Variants in RAX observed in about 807,000 individuals in gnomAD.
RAX encodes retina and anterior neural fold homeobox, also known as retinal homeobox protein Rx.
RAX carries 11 observed loss-of-function variants against 17.4 expected under a neutral mutation model. That is an observed-to-expected ratio of 0.63 (90% CI 0.40 to 1.05). The LOEUF is 1.05. Ranked by LOEUF, RAX falls within the 50% of genes least tolerant of loss-of-function variation. RAX has a pLI of 0.00. For missense variants in RAX, 527 were observed against 501.1 expected, an observed-to-expected ratio of 1.05 and a Z score of -0.49; for synonymous variants, 276 against 254.7, an observed-to-expected ratio of 1.08 and a Z score of -0.80.
chr18:59,273,340 G>A lies in RAX; in HGVS notation c.-134C>T, dbSNP rs936814750. The A allele has an allele frequency of 4.1e-6, 4 of 972,756 alleles. No homozygotes were observed. The highest frequency in any genetic ancestry group is 6.0e-5 in the East Asian group (2 of 33,532). 60.3% of individuals were successfully genotyped at this position (972,756 alleles called of 1,614,324 possible). A position where few individuals can be genotyped will look rare whatever the true frequency, so the allele number is the denominator to read the frequency against. On this transcript the variant is annotated 5_prime_UTR_variant, in exon 1 of 3. Transcript: ENST00000334889. ...AGCTCCGCGGGCGAAGCCCGCCCGG[G>A]CTGCGCACGCTGGGGGTGGCCGAGC...
Position 59,268,975 on chromosome 18 carries a change from G to A in RAX, c.*29C>T, listed in dbSNP as rs373801363. The A allele has an allele frequency of 3.0e-5, 48 of 1,612,738 alleles. No homozygotes were observed. The highest frequency in any genetic ancestry group is 1.4e-5 in the Non-Finnish European group (16 of 1,179,856). ...GCGGGTACGGTGCGGTCGGCCCGGGGTCGGATCCCAAGACGTTCCCCAGTG... is the reference window on the plus strand; with the variant it reads ...GCGGGTACGGTGCGGTCGGCCCGGGATCGGATCCCAAGACGTTCCCCAGTG... On this transcript the variant is annotated 3_prime_UTR_variant, in exon 3 of 3. Transcript: ENST00000334889. This position sits in a 1 kb window ranked among gnomAD's most constrained non-coding sequence, Gnocchi z 4.4.
chr18:59,273,406 C>A lies in RAX; in HGVS notation c.-200G>T, dbSNP rs1459773047. ...GCCTTAGTCCCAGAAGTCGGAAGTT[C>A]GGGCTCGGGGTAGCTGGGGCTCTCG... On this transcript the variant is annotated 5_prime_UTR_variant, in exon 1 of 3. Coordinates refer to ENST00000334889, the MANE Select transcript of RAX (RefSeq NM_013435.3). 8 of 598,794 alleles carry A rather than the reference C, an allele frequency of 1.3e-5. No homozygotes were observed. Among genetic ancestry groups the A allele is most frequent in the South Asian group, 9.5e-5 (4 of 41,924 alleles). The allele number at this position is 598,794 out of a possible 1,614,324, so 37.1% of individuals were successfully genotyped here.
chr18:59,272,695 C>A, intron 1 of RAX, 81 bp from the exon 2 acceptor site: 2 of 1,488,110 alleles, frequency 1.3e-6, no homozygotes, highest in Non-Finnish European at 1.8e-6. Flanking sequence ...TGGGCACTGG[C>A]CAGCCCGCCT....
intron 2 of RAX, among the ~76,000 whole-genome samples, chr18:59,269,752 T>TG (rs2070321420): frequency 6.7e-6 from 1 of 149,884 alleles, no homozygotes; most frequent in Admixed American, 6.6e-5. Flanking sequence ...TTTTTTTTTT[T>TG]TTGGCCTCTT....
rs1482304779 is a variant in RAX, at chr18:59,272,585, C to CG, written c.318dup (p.Gly107ArgfsTer44). ...AGCCCTGGGCTCGGCCGTGCCTCCC[C>CG]GGGCTCCTTGGGGCAGTAGGGTCGA... On this transcript the variant is annotated frameshift_variant, in exon 2 of 3. Transcript: ENST00000334889. LOFTEE classifies it high-confidence loss of function. 6.2e-7 allele frequency: 1 copy of CG among 1,613,244 alleles called. No homozygotes were observed. The highest frequency in any genetic ancestry group is 8.5e-7 in the Non-Finnish European group (1 of 1,179,898).
In RAX at chr18:59,268,836, TC is replaced by T. The variant is rs1216265499; in HGVS notation, c.*167del. On this transcript the variant is annotated 3_prime_UTR_variant, in exon 3 of 3. Coordinates refer to ENST00000334889, the MANE Select transcript of RAX (RefSeq NM_013435.3). This position sits in a 1 kb window ranked among gnomAD's most constrained non-coding sequence, Gnocchi z 4.4. The stretch of plus-strand genomic sequence containing the variant: ...TCCTCAGGCCTGAAAGTCGCCCTTC[TC>T]CCCGTGCATCGGGAGCAGGCGCGTG... 2 of 1,165,240 alleles carry T rather than the reference TC, an allele frequency of 1.7e-6. No individual in the cohort carries two copies. Among genetic ancestry groups the T allele is most frequent in the Non-Finnish European group, 2.4e-6 (2 of 832,490 alleles). The allele number at this position is 1,165,240 out of a possible 1,614,324, so 72.2% of individuals were successfully genotyped here.
chr18:59,272,737 G>A, intron 1 of RAX, 123 bp from the exon 2 acceptor site: 1 of 1,407,370 alleles, frequency 7.1e-7, no homozygotes, highest in Non-Finnish European at 9.4e-7. Context: ...GGAGGTCCGT[G>A]GTGAGGGCGG....
chr18:59,271,324 T>C (rs567832550), intron 2 of RAX, among the ~76,000 whole-genome samples: 23 of 152,316 alleles, frequency 1.5e-4, no homozygotes, highest in African/African-American at 4.8e-4. Flanking sequence ...CCCATCCTTC[T>C]TTTTTTGAAA....
Position 59,272,979 on chromosome 18 carries a change from C to A in RAX, c.228G>T (p.Ala76=), listed in dbSNP as rs902120454. The A allele has an allele frequency of 1.3e-6, 2 of 1,520,610 alleles. No individual in the cohort carries two copies. Among genetic ancestry groups the A allele is most frequent in the African/African-American group, 2.8e-5 (2 of 70,466 alleles). 94.2% of individuals were successfully genotyped at this position (1,520,610 alleles called of 1,614,324 possible). ...GGGAGGGCTCGGAGCCTTCCTCGGGCGCCTTGGGGCAGGCGGGCCGCGCGC... is the reference window on the plus strand; with the variant it reads ...GGGAGGGCTCGGAGCCTTCCTCGGGAGCCTTGGGGCAGGCGGGCCGCGCGC... ...RLGARPACPK[A]PEEGSEPSPP... Residue 76 remains alanine, a synonymous_variant, in exon 1 of 3, where the codon GCG becomes GCT. Coordinates refer to ENST00000334889, the MANE Select transcript of RAX (RefSeq NM_013435.3).
Position 59,272,514 on chromosome 18 carries a change from T to C in RAX, c.390A>G (p.Glu130=), listed in dbSNP as rs371031129. The part of the protein sequence containing the change: ...ATGEAKLSEE[E]QPKKKHRRNR... ...TCCGCCGATGCTTTTTCTTGGGCTG[T>C]TCCTCCTCTGACAGTTTCGCTTCGC... Residue 130 remains glutamate, a synonymous_variant, in exon 2 of 3, where the codon GAA becomes GAG. Transcript: ENST00000334889. 78 of 1,614,114 alleles carry C rather than the reference T, an allele frequency of 4.8e-5. No homozygotes were observed. Among genetic ancestry groups the C allele is most frequent in the Non-Finnish European group, 2.3e-5 (27 of 1,180,046 alleles).
At position 59,272,959 on chromosome 18, in the gene RAX, G is replaced by A; in HGVS notation, c.248C>T (p.Pro83Leu). The change falls in exon 1 of 3, where the codon CCC becomes CTC. Residue 83 changes from proline to leucine, a missense_variant. Physicochemically the swap from Pro to Leu is moderately conservative, Grantham distance 98. Transcript: ENST00000334889. ...CPKAPEEGSE[P>L]SPPPAPAPAP... ...GGGCGCCGGGGCTGGCGGCGGGGAGGGCTCGGAGCCTTCCTCGGGCGCCTT... is the reference window on the plus strand; with the variant it reads ...GGGCGCCGGGGCTGGCGGCGGGGAGAGCTCGGAGCCTTCCTCGGGCGCCTT... 1 of 1,491,158 alleles carries A rather than the reference G, an allele frequency of 6.7e-7. No individual in the cohort carries two copies. 92.4% of individuals were successfully genotyped at this position (1,491,158 alleles called of 1,614,324 possible).
In RAX at chr18:59,272,940, CG is replaced by C; in HGVS notation, c.266del (p.Pro89ArgfsTer114). The C allele has an allele frequency of 1.4e-6, 2 of 1,457,946 alleles. No individual in the cohort carries two copies. The highest frequency in any genetic ancestry group is 2.9e-5 in the South Asian group (2 of 68,002). The allele number at this position is 1,457,946 out of a possible 1,614,324, so 90.3% of individuals were successfully genotyped here. A position where few individuals can be genotyped will look rare whatever the true frequency, so the allele number is the denominator to read the frequency against. ...CACCTTCGTACTCGGGGGCGGGCGC[CG>C]GGGCTGGCGGCGGGGAGGGCTCGGA... ...EGSEPSPPPA[P>X]APAPEYEAPR... On this transcript the variant is annotated frameshift_variant, in exon 1 of 3. Transcript: ENST00000334889. LOFTEE classifies it high-confidence loss of function.
chr18:59,269,283 G>T lies in RAX; in HGVS notation c.762C>A (p.Ala254=). 1 of 1,330,962 alleles carries T rather than the reference G, an allele frequency of 7.5e-7. No homozygotes were observed. 82.4% of individuals were successfully genotyped at this position (1,330,962 alleles called of 1,614,324 possible). Residue 254 remains alanine, a synonymous_variant, in exon 3 of 3, where the codon GCC becomes GCA. Coordinates refer to ENST00000334889, the MANE Select transcript of RAX (RefSeq NM_013435.3). The part of the protein sequence containing the change: ...WLGPPLPGGG[A]TALQSLPGFG... The stretch of plus-strand genomic sequence containing the variant: ...AGCCCGGCAGGCTCTGCAGCGCCGT[G>T]GCGCCCCCGCCCGGCAGCGGCGGCC...
chr18:59,272,844 G>C, intron 1 of RAX, 74 bp downstream of exon 1: 1 of 1,481,526 alleles, frequency 6.7e-7, no homozygotes, highest in Non-Finnish European at 8.9e-7. Context: ...AGTTAAGGAA[G>C]GGGCGCTCTC....
rs754506341 is a variant in RAX at position 59,272,905 on chromosome 18, G to A, written c.289+13C>T. The A allele has an allele frequency of 6.7e-7, 1 of 1,491,942 alleles. No individual in the cohort carries two copies. Among genetic ancestry groups the A allele is most frequent in the Non-Finnish European group, 8.8e-7 (1 of 1,138,768 alleles). The allele number at this position is 1,491,942 out of a possible 1,614,324, so 92.4% of individuals were successfully genotyped here. A position where few individuals can be genotyped will look rare whatever the true frequency, so the allele number is the denominator to read the frequency against. Reference sequence around the variant, plus strand: ...GCCCGAACGGCCTCGCACAGCCAGGGGTGCGCACTCACCTTCGTACTCGGG... The same window carrying A: ...GCCCGAACGGCCTCGCACAGCCAGGAGTGCGCACTCACCTTCGTACTCGGG... On this transcript the variant is annotated intron_variant, in intron 1 of 2. Transcript: ENST00000334889.
chr18:59,268,843 G>C lies in RAX; in HGVS notation c.*161C>G. On this transcript the variant is annotated 3_prime_UTR_variant, in exon 3 of 3. Transcript: ENST00000334889. This position sits in a 1 kb window ranked among gnomAD's most constrained non-coding sequence, Gnocchi z 4.4. Reference sequence around the variant, plus strand: ...GCCTGAAAGTCGCCCTTCTCCCCGTGCATCGGGAGCAGGCGCGTGGCCCTG... The same window carrying C: ...GCCTGAAAGTCGCCCTTCTCCCCGTCCATCGGGAGCAGGCGCGTGGCCCTG... The C allele has an allele frequency of 8.3e-7, 1 of 1,205,394 alleles. No homozygotes were observed. The highest frequency in any genetic ancestry group is 1.2e-6 in the Non-Finnish European group (1 of 866,746). The allele number at this position is 1,205,394 out of a possible 1,614,324, so 74.7% of individuals were successfully genotyped here. A position where few individuals can be genotyped will look rare whatever the true frequency, so the allele number is the denominator to read the frequency against.
chr18:59,269,733 TC>T (rs1568096943), intron 2 of RAX, among the ~76,000 whole-genome samples: 2,647 of 120,098 alleles, frequency 0.022, 62 homozygotes, highest in South Asian at 0.038. Flanking sequence ...TCTCTCTCTC[TC>T]TCTCTTTTTT....
chr18:59,269,263 G>C lies in RAX; in HGVS notation c.782C>G (p.Pro261Arg), dbSNP rs1357553942. The C allele has an allele frequency of 6.7e-7, 1 of 1,493,630 alleles. No individual in the cohort carries two copies. The allele number at this position is 1,493,630 out of a possible 1,614,324, so 92.5% of individuals were successfully genotyped here. A position where few individuals can be genotyped will look rare whatever the true frequency, so the allele number is the denominator to read the frequency against. Residue 261 changes from proline to arginine, a missense_variant, in exon 3 of 3, where the codon CCG (proline) becomes CGG (arginine). Transcript: ENST00000334889. Reference sequence around the variant, plus strand: ...GCTCTGCGCCGGCGGCCCGAAGCCCGGCAGGCTCTGCAGCGCCGTGGCGCC... The same window carrying C: ...GCTCTGCGCCGGCGGCCCGAAGCCCCGCAGGCTCTGCAGCGCCGTGGCGCC... The part of the protein sequence containing the change: ...GGGATALQSL[P>R]GFGPPAQSLP...
intron 2 of RAX, among the ~76,000 whole-genome samples, chr18:59,271,319 C>A (rs534637300): frequency 6.6e-6 from 1 of 152,206 alleles, no homozygotes; most frequent in Non-Finnish European, 1.5e-5. Flanking sequence ...CCTCTCCCAT[C>A]CTTCTTTTTT....
Sources: allele counts gnomAD v4.1 joint callset (sites outside exome capture counted in the v4.1 genomes callset), GRCh38; gene constraint gnomAD v4.1.1; non-coding constraint Gnocchi (gnomAD v3.1); transcripts MANE v1.5; gene names NCBI Gene and HGNC (gene_info 2026-07-23, HGNC 2026-07-21).